Variants in FRAS1 observed in about 807,000 individuals in gnomAD.
FRAS1 encodes the protein Fraser extracellular matrix complex subunit 1.
FRAS1 carries 290 observed loss-of-function variants against 435.2 expected under a neutral mutation model. The ratio of observed to expected loss-of-function variants is 0.67; its 90% confidence interval spans 0.61 to 0.73. The LOEUF (loss-of-function observed/expected upper bound fraction) is 0.73, where lower values mean the gene tolerates loss of function less well. FRAS1 is among the 30% of genes least tolerant of loss of function. The probability of loss-of-function intolerance (pLI) is 0.00; values close to 1 mark genes in which losing one functional copy is unlikely to be tolerated. For missense variants in FRAS1, 4,860 were observed against 5,001.5 expected, an observed-to-expected ratio of 0.97 and a Z score of 0.85; for synonymous variants, 1,800 against 1,851.0, an observed-to-expected ratio of 0.97 and a Z score of 0.71.
chr4:78,448,007 A>G, intron 43 of FRAS1, 46 bp from the exon 44 acceptor site: 2 of 1,478,092 alleles, frequency 1.4e-6, no homozygotes, highest in Non-Finnish European at 1.8e-6. Context: ...TCATATATAT[A>G]TGTGTATTCT....
rs148801439 is a variant in FRAS1, at chr4:78,062,870, T to C, written c.77-3115T>C. The stretch of plus-strand genomic sequence containing the variant: ...AAAACTTTATGCTCTTTCTCACAGG[T>C]TGTGAGGTGTTAGAACTTAAATTAC... On this transcript the variant is annotated intron_variant, in intron 1 of 73. Coordinates refer to ENST00000512123, the MANE Select transcript of FRAS1 (RefSeq NM_025074.7). Among the ~76,000 whole-genome samples, 1,216 of 152,258 alleles carry C rather than the reference T, an allele frequency of 8.0e-3. 14 individuals carry two copies. The highest frequency in any genetic ancestry group is 0.013 in the Non-Finnish European group (913 of 68,006).
intron 27 of FRAS1, among the ~76,000 whole-genome samples, chr4:78,381,100 C>T (rs936061554): frequency 6.6e-6 from 1 of 152,134 alleles, no homozygotes; most frequent in African/African-American, 2.4e-5. Context: ...CAAGCCAAGA[C>T]TGATTCCACA....
At chr4:78,354,337 A>T (rs74590209) in intron 20 of FRAS1, among the ~76,000 whole-genome samples, 1 of 152,192 alleles carries the variant, frequency 6.6e-6, no homozygotes, top group Non-Finnish European at 1.5e-5. Context: ...TGAAGAAAGA[A>T]GTCTCATTTG....
At chr4:78,481,564 C>A (rs1048642961) in intron 56 of FRAS1, among the ~76,000 whole-genome samples, 10 of 152,190 alleles carry the variant, frequency 6.6e-5, no homozygotes, top group African/African-American at 2.4e-4. Flanking sequence ...TCTCCAGCAC[C>A]ATCTCCATGA....
At chr4:78,191,340 G>T (rs1722522800) in intron 2 of FRAS1, among the ~76,000 whole-genome samples, 1 of 152,162 alleles carries the variant, frequency 6.6e-6, no homozygotes, top group Admixed American at 6.5e-5. Flanking sequence ...TTAAAAAGAT[G>T]TACCAATTGT....
rs147407970 is a variant in FRAS1, at chr4:78,467,719, A to G, written c.7257+1284A>G. On this transcript the variant is annotated intron_variant, in intron 50 of 73. Transcript: ENST00000512123. ...TGTATGAGGGTTCCCTTTTCTCCAC[A>G]TTCTCATTAGCATTTTTTATTACCT... is the stretch of plus-strand genomic sequence containing the variant. 4.5e-3 allele frequency among the ~76,000 whole-genome samples: 680 copies of G among 152,230 alleles called. 5 individuals carry two copies. Among genetic ancestry groups the G allele is most frequent in the African/African-American group, 0.016 (671 of 41,534 alleles).
chr4:78,392,979 A>C (rs76212941), intron 29 of FRAS1, among the ~76,000 whole-genome samples: 3,564 of 151,462 alleles, frequency 0.024, 159 homozygotes, highest in African/African-American at 0.08. Flanking sequence ...CATGTTCATC[A>C]TGATGAGTGG....
intron 35 of FRAS1, among the ~76,000 whole-genome samples, chr4:78,425,507 A>T (rs983421112): frequency 6.6e-6 from 1 of 152,230 alleles, no homozygotes; most frequent in African/African-American, 2.4e-5. Context: ...TCAACCATCC[A>T]TGCGCACTGT....
intron 19 of FRAS1, among the ~76,000 whole-genome samples, chr4:78,333,743 C>T (rs1439866279): frequency 2.6e-5 from 4 of 152,078 alleles, no homozygotes; most frequent in Non-Finnish European, 5.9e-5. Context: ...ACCTTTATTT[C>T]CTAAAAGAAC....
chr4:78,062,073 C>T (rs1739784080), intron 1 of FRAS1, among the ~76,000 whole-genome samples: 1 of 152,154 alleles, frequency 6.6e-6, no homozygotes, highest in Admixed American at 6.5e-5. Context: ...ATATAGTGTA[C>T]ATCCTTTAGT....
At chr4:78,382,340 G>C (rs1732053580) in intron 27 of FRAS1, among the ~76,000 whole-genome samples, 1 of 151,380 alleles carries the variant, frequency 6.6e-6, no homozygotes, top group Admixed American at 6.6e-5. Context: ...TTATAATGCT[G>C]TATTTTATTT....
chr4:78,407,644 G>A lies in FRAS1; in HGVS notation c.4130-19G>A. 1 of 1,590,020 alleles carries A rather than the reference G, an allele frequency of 6.3e-7. No homozygotes were observed. The highest frequency in any genetic ancestry group is 1.4e-5 in the African/African-American group (1 of 73,968). The stretch of plus-strand genomic sequence containing the variant: ...TTTCCTAGGGACCCTCACTAACTAT[G>A]TGGCCTGTGCCTTCCTAGGGGAGGT... On this transcript the variant is annotated intron_variant, in intron 30 of 73. Coordinates refer to ENST00000512123, the MANE Select transcript of FRAS1 (RefSeq NM_025074.7).
chr4:78,342,812 A>G (rs1284599115), intron 20 of FRAS1, among the ~76,000 whole-genome samples: 2 of 152,216 alleles, frequency 1.3e-5, no homozygotes, highest in East Asian at 1.9e-4. Context: ...GATAATATCA[A>G]GGGTAATATT....
intron 47 of FRAS1, among the ~76,000 whole-genome samples, chr4:78,457,099 C>G (rs1467866702): frequency 6.6e-6 from 1 of 152,186 alleles, no homozygotes; most frequent in Non-Finnish European, 1.5e-5. Flanking sequence ...ATAATGGCTG[C>G]TTGGCTAGAT....
intron 2 of FRAS1, among the ~76,000 whole-genome samples, chr4:78,114,003 G>T (rs1430855967): frequency 2.0e-5 from 3 of 152,132 alleles, no homozygotes; most frequent in Non-Finnish European, 4.4e-5. Context: ...ATTAATTTTT[G>T]TATAAGGTGT....
intron 18 of FRAS1, among the ~76,000 whole-genome samples, chr4:78,330,237 A>G (rs953091093): frequency 6.6e-6 from 1 of 152,194 alleles, no homozygotes. Context: ...GACACTCATC[A>G]CTTCCCCAAT....
intron 8 of FRAS1, 79 bp from the exon 9 acceptor site, chr4:78,267,162 T>G: frequency 1.4e-6 from 2 of 1,401,334 alleles, no homozygotes; most frequent in East Asian, 2.4e-5. Context: ...TTTGGTATTT[T>G]GGGTCCTCCT....
intron 66 of FRAS1, among the ~76,000 whole-genome samples, chr4:78,518,848 T>G (rs1474489640): frequency 1.3e-5 from 2 of 152,266 alleles, no homozygotes; most frequent in East Asian, 3.9e-4. Flanking sequence ...TAAAACATCC[T>G]GAGTTAGGCA....
chr4:78,480,899 T>C (rs765771294), intron 56 of FRAS1, among the ~76,000 whole-genome samples: 2 of 152,240 alleles, frequency 1.3e-5, no homozygotes, highest in Non-Finnish European at 2.9e-5. Flanking sequence ...CACCATACCG[T>C]GCATGTTCCA....
Sources: allele counts gnomAD v4.1 joint callset (sites outside exome capture counted in the v4.1 genomes callset), GRCh38; gene constraint gnomAD v4.1.1; transcripts MANE v1.5; gene names NCBI Gene and HGNC (gene_info 2026-07-23, HGNC 2026-07-21).